Variants in ZNF705G observed in about 807,000 individuals in gnomAD.
ZNF705G encodes the protein putative zinc finger protein 705G.
Under a neutral mutation model 19.6 loss-of-function variants are expected in ZNF705G, and 23 were observed. The ratio of observed to expected loss-of-function variants is 1.17; its 90% CI spans 0.84 to 1.66. The LOEUF is 1.66. Ranked by LOEUF, ZNF705G falls within the 40% of genes most tolerant of loss-of-function variation. The pLI is 0.00. For missense variants in ZNF705G, 457 were observed against 354.4 expected, an observed-to-expected ratio of 1.29 and a Z score of -2.32; for synonymous variants, 146 against 117.7, an observed-to-expected ratio of 1.24 and a Z score of -1.56.
intron 2 of ZNF705G, among the ~76,000 whole-genome samples, chr8:7,366,380 C>T (rs1186624323): frequency 8.7e-5 from 13 of 149,372 alleles, no homozygotes; most frequent in Non-Finnish European, 1.6e-4. Flanking sequence ...GCATAATGAA[C>T]ACTGCATACA....
At position 7,370,284 on chromosome 8, in the gene ZNF705G, T is replaced by C. The variant is rs1365029833; in HGVS notation, c.-71-7267A>G. Among the ~76,000 whole-genome samples, 4 of 129,526 alleles carry C rather than the reference T, an allele frequency of 3.1e-5. No individual in the cohort carries two copies. In the South Asian group the frequency reaches 7.4e-4, roughly 24 times the overall value. 85.0% of individuals were successfully genotyped at this position (129,526 alleles called of 152,430 possible). A position where few individuals can be genotyped will look rare whatever the true frequency, so the allele number is the denominator to read the frequency against. On this transcript the variant is annotated intron_variant, in intron 2 of 6. Transcript: ENST00000400156. ...AGACTCCATCTCAAAAAAAAAAAAA[T>C]ATGCAAAGATCTGAGTAGACATTTC...
At position 7,379,318 on chromosome 8, in the gene ZNF705G, C is replaced by T. The variant is rs1485454806; in HGVS notation, c.-72+2134G>A. Reference sequence around the variant, plus strand: ...TTTCCTCAGTGCACTCTTGAAACTGCATCACCAACTGTCCCTTTAATATAT... The same window carrying T: ...TTTCCTCAGTGCACTCTTGAAACTGTATCACCAACTGTCCCTTTAATATAT... On this transcript the variant is annotated intron_variant, in intron 2 of 6. Coordinates refer to ENST00000400156, the MANE Select transcript of ZNF705G (RefSeq NM_001164457.3). Among the ~76,000 whole-genome samples, 19 of 147,404 alleles carry T rather than the reference C, an allele frequency of 1.3e-4. 3 individuals carry two copies. The highest frequency in any genetic ancestry group is 5.2e-4 in the African/African-American group (19 of 36,870).
At chr8:7,368,374 C>A (rs1439236870) in intron 2 of ZNF705G, among the ~76,000 whole-genome samples, 1 of 149,432 alleles carries the variant, frequency 6.7e-6, no homozygotes, top group Admixed American at 6.6e-5. Context: ...AGGGATACAA[C>A]AAGAAACCAG....
intron 2 of ZNF705G, among the ~76,000 whole-genome samples, chr8:7,380,131 C>T (rs1160064557): frequency 7.0e-6 from 1 of 143,798 alleles, no homozygotes. Context: ...GCACTCTTCT[C>T]AAGTGGAGAG....
chr8:7,359,173 A>C (rs1199708598), intron 6 of ZNF705G, among the ~76,000 whole-genome samples: 1 of 149,538 alleles, frequency 6.7e-6, no homozygotes, highest in Non-Finnish European at 1.5e-5. Context: ...GGAGCCTTCA[A>C]AATCATCTTT....
Position 7,361,092 on chromosome 8 carries a change from G to T in ZNF705G, c.139+18C>A. On this transcript the variant is annotated intron_variant, in intron 4 of 6. Transcript: ENST00000400156. The stretch of plus-strand genomic sequence containing the variant: ...TGAATGTGTCTCTACATATGTACAT[G>T]AATGTTCAGGGACTCACCGAGGGAC... The T allele has an allele frequency of 3.1e-6, 5 of 1,592,748 alleles. No homozygotes were observed. Among genetic ancestry groups the T allele is most frequent in the Non-Finnish European group, 4.2e-6 (5 of 1,179,372 alleles).
At chr8:7,380,792 G>A (rs1451904877) in intron 2 of ZNF705G, among the ~76,000 whole-genome samples, 3 of 145,190 alleles carry the variant, frequency 2.1e-5, no homozygotes, top group East Asian at 1.9e-4. Context: ...GGCTGAGGGG[G>A]GCAGATCACC....
intron 2 of ZNF705G, among the ~76,000 whole-genome samples, chr8:7,371,624 T>C (rs1345887767): frequency 4.2e-4 from 41 of 97,320 alleles, no homozygotes; most frequent in Non-Finnish European, 6.7e-4. Flanking sequence ...GCTTTTTAAA[T>C]GTAATCATAG....
intron 5 of ZNF705G, among the ~76,000 whole-genome samples, chr8:7,359,924 T>G (rs1585408289): frequency 6.7e-6 from 1 of 149,412 alleles, no homozygotes; most frequent in East Asian, 1.9e-4. Context: ...AGATGAGATA[T>G]CAGGCAGGTA....
rs1806471065 is a variant in ZNF705G, at chr8:7,359,536, C to G, written c.318+83G>C. 1.1e-5 allele frequency: 17 copies of G among 1,582,512 alleles called. No individual in the cohort carries two copies. In the East Asian group the frequency reaches 3.8e-4, roughly 36 times the overall value. Reference sequence around the variant, plus strand: ...CACTTAATGCCAGCTTAATTACACTCAGGTGATTGTGCTTCATTACTAACT... The same window carrying G: ...CACTTAATGCCAGCTTAATTACACTGAGGTGATTGTGCTTCATTACTAACT... On this transcript the variant is annotated intron_variant, in intron 6 of 6. Transcript: ENST00000400156.
Position 7,357,590 on chromosome 8 carries a change from A to T in ZNF705G, c.*386T>A. On this transcript the variant is annotated 3_prime_UTR_variant, in exon 7 of 7. Coordinates refer to ENST00000400156, the MANE Select transcript of ZNF705G (RefSeq NM_001164457.3). ...TTTAGTTGATTATATTGACAGTTTC[A>T]GCTCTCTCATGTCACTTATGCTCAG... The T allele has an allele frequency of 3.3e-6, 1 of 304,066 alleles. No individual in the cohort carries two copies. The highest frequency in any genetic ancestry group is 5.8e-6 in the Non-Finnish European group (1 of 171,086). 18.8% of individuals were successfully genotyped at this position (304,066 alleles called of 1,614,324 possible).
At position 7,358,522 on chromosome 8, in the gene ZNF705G, A is replaced by G. The variant is rs761430832; in HGVS notation, c.357T>C (p.Asn119=). 5 of 1,607,434 alleles carry G rather than the reference A, an allele frequency of 3.1e-6. No individual in the cohort carries two copies. The highest frequency in any genetic ancestry group is 2.2e-5 in the South Asian group (2 of 90,716). ...SLILEDPFEC[N]DSGEDCTRSS... ...TGCGAGTGCAATCTTCTCCCGAATC[A>G]TTACATTCAAAAGGATCCTCCAGAA... The change falls in exon 7 of 7, where the codon AAT becomes AAC. Residue 119 remains asparagine, a synonymous_variant. Coordinates refer to ENST00000400156, the MANE Select transcript of ZNF705G (RefSeq NM_001164457.3).
intron 4 of ZNF705G, among the ~76,000 whole-genome samples, 187 bp downstream of exon 4, chr8:7,360,923 A>C (rs1256036826): frequency 6.7e-6 from 1 of 149,624 alleles, no homozygotes; most frequent in Non-Finnish European, 1.5e-5. Flanking sequence ...GACAAACTAA[A>C]TAAAATAAAA....
chr8:7,358,604 T>C (rs771441254), intron 6 of ZNF705G, 44 bp from the exon 7 acceptor site: 4 of 1,603,622 alleles, frequency 2.5e-6, no homozygotes, highest in South Asian at 2.2e-5. Context: ...TACCCACATA[T>C]ATCTATACAT....
At chr8:7,369,677 G>T (rs1342046502) in intron 2 of ZNF705G, among the ~76,000 whole-genome samples, 1 of 149,702 alleles carries the variant, frequency 6.7e-6, no homozygotes, top group Non-Finnish European at 1.5e-5. Context: ...AGTGGATAGA[G>T]AAAATACAGT....
intron 4 of ZNF705G, 92 bp from the exon 5 acceptor site, chr8:7,360,424 A>G: frequency 6.4e-7 from 1 of 1,569,160 alleles, no homozygotes; most frequent in South Asian, 1.1e-5. Flanking sequence ...GGAAGAATAA[A>G]AACAGTGAAG....
At chr8:7,359,550 TCATTACTAAC>T in intron 6 of ZNF705G, 59 bp downstream of exon 6, 1 of 1,594,230 alleles carries the variant, frequency 6.3e-7, no homozygotes, top group Non-Finnish European at 8.5e-7. Flanking sequence ...TGATTGTGCT[TCATTACTAAC>T]TTAATCCATT....
At chr8:7,369,217 G>C (rs531654695) in intron 2 of ZNF705G, among the ~76,000 whole-genome samples, 1 of 149,580 alleles carries the variant, frequency 6.7e-6, no homozygotes, top group South Asian at 2.1e-4. Context: ...AGTAAAATTT[G>C]AGGTGAGATT....
In ZNF705G at chr8:7,371,363, C is replaced by T. The variant is rs1443768765; in HGVS notation, c.-71-8346G>A. 2.8e-5 allele frequency among the ~76,000 whole-genome samples: 4 copies of T among 141,434 alleles called. No homozygotes were observed. In the Admixed American group the frequency reaches 2.9e-4, roughly 10 times the overall value. 92.8% of individuals were successfully genotyped at this position (141,434 alleles called of 152,430 possible). A position where few individuals can be genotyped will look rare whatever the true frequency, so the allele number is the denominator to read the frequency against. ...AGAGCACAAAGTTTCAGATATACCA[C>T]GTAAGTAAGTTCTGGAGGTCTCGTT... On this transcript the variant is annotated intron_variant, in intron 2 of 6. Coordinates refer to ENST00000400156, the MANE Select transcript of ZNF705G (RefSeq NM_001164457.3).
Sources: gnomAD v4.1 joint callset for allele counts (sites outside exome capture counted in the v4.1 genomes callset) on GRCh38, gnomAD v4.1.1 for gene constraint, MANE v1.5 for transcripts, NCBI Gene and HGNC (gene_info 2026-07-23, HGNC 2026-07-21) for gene names.